SIL1: variants seen among roughly 807,000 people sequenced by gnomAD.
The protein encoded by SIL1 is SIL1 nucleotide exchange factor, also known as nucleotide exchange factor SIL1.
SIL1 carries 40 observed loss-of-function variants against 49.1 expected under a neutral mutation model. That is an observed-to-expected ratio of 0.81 (90% confidence interval 0.63 to 1.06). SIL1 has a LOEUF of 1.06. Among genes scored for constraint, SIL1 ranks in the 50% least tolerant of loss-of-function variants. The pLI is 0.00. For synonymous variants in SIL1, 253 were observed against 250.8 expected (o/e 1.01, Z -0.08); for missense variants, 500 against 572.6 (o/e 0.87, Z 1.29).
intron 7 of SIL1, among the ~76,000 whole-genome samples, chr5:138,992,766 T>G (rs931998767): frequency 6.6e-5 from 10 of 152,100 alleles, no homozygotes; most frequent in Non-Finnish European, 1.5e-5. Flanking sequence ...TTGGGTATAG[T>G]GTACACTGTT....
intron 7 of SIL1, among the ~76,000 whole-genome samples, chr5:138,998,852 C>CTTTTTTTTTTTTTTTTTTTTTTTTTTTCT (rs35074969): frequency 1.0e-5 from 1 of 98,806 alleles, no homozygotes; most frequent in African/African-American, 4.3e-5. Context: ...ATTATCTTTC[C>CTTTTTTTTTTTTTTTTTTTTTTTTTTTCT]TTTTTTTTTT....
intron 7 of SIL1, among the ~76,000 whole-genome samples, chr5:138,998,580 T>C (rs1376877226): frequency 6.6e-6 from 1 of 152,176 alleles, no homozygotes; most frequent in African/African-American, 2.4e-5. Flanking sequence ...AGGAAGTTTA[T>C]AATCATGATA....
intron 3 of SIL1, among the ~76,000 whole-genome samples, chr5:139,104,216 A>G (rs368514117): frequency 6.6e-6 from 1 of 152,188 alleles, no homozygotes; most frequent in African/African-American, 2.4e-5. Context: ...AGGTAGCAAC[A>G]ATAATTGTAG....
intron 3 of SIL1, among the ~76,000 whole-genome samples, chr5:139,120,292 G>C (rs990183184): frequency 6.6e-6 from 1 of 152,244 alleles, no homozygotes; most frequent in African/African-American, 2.4e-5. Flanking sequence ...AGTGGGAAGA[G>C]AGTAGGCCCA....
At chr5:139,096,560 GAGA>G (rs1488469053) in intron 3 of SIL1, among the ~76,000 whole-genome samples, 23 of 151,274 alleles carry the variant, frequency 1.5e-4, no homozygotes, top group Non-Finnish European at 1.8e-4. Context: ...CCTTCTGCTT[GAGA>G]AGAAGAGAGA....
chr5:139,132,133 G>A (rs950543917), intron 1 of SIL1, among the ~76,000 whole-genome samples: 3 of 152,216 alleles, frequency 2.0e-5, no homozygotes, highest in Middle Eastern at 6.8e-3. Flanking sequence ...AACTGGTGCT[G>A]GGGAAAAAGA....
At chr5:138,979,790 T>C (rs957217686) in intron 7 of SIL1, among the ~76,000 whole-genome samples, 5 of 152,208 alleles carry the variant, frequency 3.3e-5, no homozygotes, top group African/African-American at 1.2e-4. Flanking sequence ...TCTGGAATCA[T>C]TTCTGTCTAG....
chr5:138,970,048 G>A (rs1311765407), intron 7 of SIL1, among the ~76,000 whole-genome samples: 1 of 152,250 alleles, frequency 6.6e-6, no homozygotes, highest in Non-Finnish European at 1.5e-5. Context: ...CTGGAAGACA[G>A]CAGCCTGAGG....
rs1166561965 is a variant in SIL1, at chr5:139,056,557, GC to G, written c.245-5512del. ...GTCCGGGAGGGAGGTGGGGGGGTCA[GC>G]CCCCCGACCGGCCAGCCGCCCCGTC... On this transcript the variant is annotated intron_variant, in intron 3 of 9. Transcript: ENST00000394817. Among the ~76,000 whole-genome samples, 12 of 150,616 alleles carry G rather than the reference GC, an allele frequency of 8.0e-5. No homozygotes were observed. The South Asian group carries it at 1.0e-3, about 13-fold the overall frequency.
intron 3 of SIL1, among the ~76,000 whole-genome samples, chr5:139,105,818 A>T (rs940141799): frequency 2.6e-5 from 4 of 152,252 alleles, no homozygotes; most frequent in African/African-American, 9.6e-5. Context: ...CATTACCCCC[A>T]AAGAATAGTG....
At chr5:139,071,747 A>C (rs1430798331) in intron 3 of SIL1, among the ~76,000 whole-genome samples, 1 of 148,000 alleles carries the variant, frequency 6.8e-6, no homozygotes, top group Non-Finnish European at 1.5e-5. Flanking sequence ...AGCTCACTGC[A>C]ACCTCCACCT....
chr5:139,135,398 C>T (rs888963369), intron 1 of SIL1, among the ~76,000 whole-genome samples: 2 of 152,252 alleles, frequency 1.3e-5, no homozygotes, highest in South Asian at 4.2e-4. Context: ...GGATCCAAGC[C>T]TCTGCCTAAC....
At chr5:139,112,534 G>A (rs1330807078) in intron 3 of SIL1, among the ~76,000 whole-genome samples, 4 of 144,466 alleles carry the variant, frequency 2.8e-5, no homozygotes, top group Non-Finnish European at 3.0e-5. Context: ...CTGCCCGGCC[G>A]CCCCGTCTGA....
chr5:139,082,201 G>C (rs893392076), intron 3 of SIL1, among the ~76,000 whole-genome samples: 7 of 152,144 alleles, frequency 4.6e-5, no homozygotes, highest in African/African-American at 1.7e-4. Flanking sequence ...AAATTACCAG[G>C]CATTTTGTAT....
intron 7 of SIL1, among the ~76,000 whole-genome samples, chr5:138,960,704 C>T (rs1767002718): frequency 6.6e-6 from 1 of 152,228 alleles, no homozygotes; most frequent in Non-Finnish European, 1.5e-5. Flanking sequence ...GATCTGCCAG[C>T]CTTGACCTCC....
intron 3 of SIL1, among the ~76,000 whole-genome samples, chr5:139,067,781 T>C (rs922447548): frequency 1.3e-5 from 2 of 152,238 alleles, no homozygotes; most frequent in African/African-American, 4.8e-5. Context: ...CTTTTGGGCA[T>C]CTGGCAACAT....
chr5:139,121,192 G>T lies in SIL1; in HGVS notation c.106-19C>A. ...ACTCCTTCTGAGAAAAGAAAACACA[G>T]GGCATGACCCACTGCAACTAGGCGC... On this transcript the variant is annotated intron_variant, in intron 2 of 9. Transcript: ENST00000394817. 1 of 1,613,892 alleles carries T rather than the reference G, an allele frequency of 6.2e-7. No individual in the cohort carries two copies. The highest frequency in any genetic ancestry group is 8.5e-7 in the Non-Finnish European group (1 of 1,179,900).
chr5:139,140,042 AG>A (rs773090701), intron 1 of SIL1, among the ~76,000 whole-genome samples: 4 of 152,120 alleles, frequency 2.6e-5, no homozygotes, highest in Non-Finnish European at 4.4e-5. Context: ...AGGCCGAGGC[AG>A]GTGGATCACT....
At chr5:139,078,649 A>AGGG in intron 3 of SIL1, among the ~76,000 whole-genome samples, 1 of 152,362 alleles carries the variant, frequency 6.6e-6, no homozygotes, top group East Asian at 1.9e-4. Flanking sequence ...CCAGTGGATA[A>AGGG]AAAACCACTA....
Sources: allele counts gnomAD v4.1 joint callset (sites outside exome capture counted in the v4.1 genomes callset), GRCh38; gene constraint gnomAD v4.1.1; transcripts MANE v1.5; gene names NCBI Gene and HGNC (gene_info 2026-07-23, HGNC 2026-07-21).